PRDM16: variants seen among roughly 807,000 people sequenced by gnomAD.
The protein encoded by PRDM16 is histone-lysine N-methyltransferase PRDM16.
In PRDM16, 23 loss-of-function variants were observed where a neutral mutation model predicts 110.6. That is an observed-to-expected ratio of 0.21 (90% confidence interval 0.15 to 0.29). The LOEUF (loss-of-function observed/expected upper bound fraction) is 0.29, where lower values mean the gene tolerates loss of function less well. Ranked by LOEUF, PRDM16 falls within the 10% of genes least tolerant of loss-of-function variation. The pLI is 1.00. For synonymous variants in PRDM16, 799 were observed against 781.8 expected (o/e 1.02, Z -0.37); for missense variants, 1,615 against 1,794.3 (o/e 0.90, Z 1.81).
At chr1:3,282,811 C>T (rs1040827099) in intron 3 of PRDM16, among the ~76,000 whole-genome samples, 1 of 152,134 alleles carries the variant, frequency 6.6e-6, no homozygotes, top group African/African-American at 2.4e-5. Context: ...AGGAGGCAGC[C>T]GTGGCCGGAG....
chr1:3,246,929 G>A lies in PRDM16; in HGVS notation c.438+2792G>A, dbSNP rs1004675781. ...CCCTCGAGTGGGCGTCAGTCCAGAC[G>A]GAGACCCCACCCTGCAAACAAATGC... On this transcript the variant is annotated intron_variant, in intron 3 of 16. Coordinates refer to ENST00000270722, the MANE Select transcript of PRDM16 (RefSeq NM_022114.4). The surrounding 1 kb of genome is among the most constrained non-coding windows in gnomAD (Gnocchi z 5.2). 4.6e-5 allele frequency among the ~76,000 whole-genome samples: 7 copies of A among 152,150 alleles called. No homozygotes were observed. Among genetic ancestry groups the A allele is most frequent in the African/African-American group, 7.2e-5 (3 of 41,420 alleles).
chr1:3,071,018 G>C (rs1641744728), intron 1 of PRDM16, among the ~76,000 whole-genome samples: 1 of 152,252 alleles, frequency 6.6e-6, no homozygotes, highest in South Asian at 2.1e-4. Flanking sequence ...CCCTCCGCGC[G>C]TGGGGTGTGC....
chr1:3,328,318 G>A (rs907594946), intron 3 of PRDM16, among the ~76,000 whole-genome samples: 5 of 152,208 alleles, frequency 3.3e-5, no homozygotes, highest in Non-Finnish European at 7.3e-5. Context: ...TGCAGTGGGG[G>A]GTGCTCACAA....
At chr1:3,279,979 CT>C (rs1017332118) in intron 3 of PRDM16, among the ~76,000 whole-genome samples, 23 of 150,910 alleles carry the variant, frequency 1.5e-4, no homozygotes, top group African/African-American at 5.4e-4. Flanking sequence ...AATCCCGAGT[CT>C]TTTAAAAGAA....
intron 1 of PRDM16, among the ~76,000 whole-genome samples, chr1:3,164,678 G>A (rs897761639): frequency 1.3e-5 from 2 of 152,188 alleles, no homozygotes; most frequent in African/African-American, 2.4e-5. Context: ...GCTAGGAGGC[G>A]GCGTGGTCGA....
intron 3 of PRDM16, among the ~76,000 whole-genome samples, chr1:3,377,024 C>T (rs934528151): frequency 1.3e-5 from 2 of 152,266 alleles, no homozygotes; most frequent in Admixed American, 1.3e-4. Flanking sequence ...CAAGAATGGG[C>T]TTTCTGTTTC....
intron 2 of PRDM16, among the ~76,000 whole-genome samples, chr1:3,200,842 G>T (rs1489844919): frequency 2.0e-5 from 3 of 152,130 alleles, no homozygotes; most frequent in Admixed American, 2.0e-4. Context: ...GCTGCCTGTG[G>T]ACTCAGCACA....
chr1:3,101,761 A>G (rs1471489175), intron 1 of PRDM16, among the ~76,000 whole-genome samples: 1 of 152,204 alleles, frequency 6.6e-6, no homozygotes, highest in Non-Finnish European at 1.5e-5. Context: ...GAGGCTGAGA[A>G]GGAATGCCGG....
rs374096323 is a variant in PRDM16 at position 3,209,622 on chromosome 1, G to A, written c.387+23148G>A. ...GTGGAATGTCCTGGAACCTCACTTCGGGATCCTTTGTCGAGACCAATTGGC... is the reference window on the plus strand; with the variant it reads ...GTGGAATGTCCTGGAACCTCACTTCAGGATCCTTTGTCGAGACCAATTGGC... On this transcript the variant is annotated intron_variant, in intron 2 of 16. Coordinates refer to ENST00000270722, the MANE Select transcript of PRDM16 (RefSeq NM_022114.4). This position sits in a 1 kb window ranked among gnomAD's most constrained non-coding sequence, Gnocchi z 4.6. Among the ~76,000 whole-genome samples the A allele has an allele frequency of 3.9e-5, 6 of 152,162 alleles. No individual in the cohort carries two copies. In the East Asian group the frequency reaches 7.7e-4, roughly 20 times the overall value.
At chr1:3,110,384 C>T (rs1000633727) in intron 1 of PRDM16, among the ~76,000 whole-genome samples, 1 of 151,022 alleles carries the variant, frequency 6.6e-6, no homozygotes, top group Non-Finnish European at 1.5e-5. Context: ...TGCGGCTCCC[C>T]CATGTCCTGG....
intron 6 of PRDM16, among the ~76,000 whole-genome samples, chr1:3,403,563 C>G (rs796942646): frequency 1.2e-4 from 19 of 152,340 alleles, no homozygotes; most frequent in African/African-American, 4.6e-4. Context: ...AGCGGACTGT[C>G]CCAGGAGGGG....
intron 2 of PRDM16, among the ~76,000 whole-genome samples, chr1:3,223,219 G>T (rs114154821): frequency 6.7e-6 from 1 of 148,840 alleles, no homozygotes; most frequent in Non-Finnish European, 1.5e-5. Context: ...TCTTTCTGGA[G>T]TCTGGGAATT....
Position 3,434,695 on chromosome 1 carries a change from A to G in PRDM16, c.*884A>G, listed in dbSNP as rs936523518. On this transcript the variant is annotated 3_prime_UTR_variant, in exon 17 of 17. Transcript: ENST00000270722. Reference sequence around the variant, plus strand: ...CCTTCAGAGGAATCCACAGGTCCCCACCCAAGATCCCTCAATTATATGGGG... The same window carrying G: ...CCTTCAGAGGAATCCACAGGTCCCCGCCCAAGATCCCTCAATTATATGGGG... 16 of 232,536 alleles carry G rather than the reference A, an allele frequency of 6.9e-5. No individual in the cohort carries two copies. Among genetic ancestry groups the G allele is most frequent in the Non-Finnish European group, 1.2e-4 (14 of 117,662 alleles). 14.4% of individuals were successfully genotyped at this position (232,536 alleles called of 1,614,324 possible).
chr1:3,409,089 G>A (rs562695359), intron 8 of PRDM16, among the ~76,000 whole-genome samples: 44 of 151,434 alleles, frequency 2.9e-4, no homozygotes, highest in African/African-American at 8.7e-4. Context: ...GAGTGTGGGC[G>A]CGTGTCTGTG....
chr1:3,083,504 T>C (rs939409486), intron 1 of PRDM16, among the ~76,000 whole-genome samples: 2 of 152,198 alleles, frequency 1.3e-5, no homozygotes, highest in Admixed American at 1.3e-4. Context: ...CCTGGGCTTC[T>C]TCATCATTTC....
chr1:3,222,245 C>A (rs542796660), intron 2 of PRDM16, among the ~76,000 whole-genome samples: 2 of 152,006 alleles, frequency 1.3e-5, no homozygotes, highest in Non-Finnish European at 2.9e-5. Context: ...CCAGCCTCCC[C>A]CAGTGAGGAG....
intron 12 of PRDM16, 21 bp downstream of exon 12, chr1:3,418,765 G>A (rs1449951267): frequency 6.2e-7 from 1 of 1,602,568 alleles, no homozygotes; most frequent in Admixed American, 1.7e-5. Flanking sequence ...CGTGGGCTGG[G>A]TGTGGGGGCG....
chr1:3,290,371 C>T lies in PRDM16; in HGVS notation c.438+46234C>T, dbSNP rs1177258309. On this transcript the variant is annotated intron_variant, in intron 3 of 16. Coordinates refer to ENST00000270722, the MANE Select transcript of PRDM16 (RefSeq NM_022114.4). This position sits in a 1 kb window ranked among gnomAD's most constrained non-coding sequence, Gnocchi z 4.8. Reference sequence around the variant, plus strand: ...GAGGAGAGCCTCTCAGTATCCCCACCTTATAGATGAGGAGGCACAGAGAGG... The same window carrying T: ...GAGGAGAGCCTCTCAGTATCCCCACTTTATAGATGAGGAGGCACAGAGAGG... Among the ~76,000 whole-genome samples, 3 of 152,188 alleles carry T rather than the reference C, an allele frequency of 2.0e-5. No individual in the cohort carries two copies. Among genetic ancestry groups the T allele is most frequent in the Non-Finnish European group, 2.9e-5 (2 of 68,030 alleles).
intron 3 of PRDM16, among the ~76,000 whole-genome samples, chr1:3,315,797 A>C (rs1042338175): frequency 5.9e-5 from 9 of 152,152 alleles, no homozygotes; most frequent in African/African-American, 2.2e-4. Context: ...TTTGCTGGCC[A>C]CCAATCGGAG....
Sources: allele counts gnomAD v4.1 joint callset (sites outside exome capture counted in the v4.1 genomes callset), GRCh38; gene constraint gnomAD v4.1.1; non-coding constraint Gnocchi (gnomAD v3.1); transcripts MANE v1.5; gene names NCBI Gene and HGNC (gene_info 2026-07-23, HGNC 2026-07-21).